Variants in USP15 observed in about 807,000 individuals in gnomAD.
USP15 encodes ubiquitin carboxyl-terminal hydrolase 15.
USP15 carries 18 observed loss-of-function variants against 127.1 expected under a neutral mutation model. The observed-to-expected ratio is 0.14, with a 90% confidence interval of 0.10 to 0.21. The LOEUF is 0.21. USP15 is among the 10% of genes least tolerant of loss of function. The probability of loss-of-function intolerance (pLI) is 1.00; values close to 1 mark genes in which losing one functional copy is unlikely to be tolerated. For synonymous variants in USP15, 364 were observed against 393.7 expected, an observed-to-expected ratio of 0.92 and a Z score of 0.89; for missense variants, 805 against 1,159.9, an observed-to-expected ratio of 0.69 and a Z score of 4.44.
Position 62,406,238 on chromosome 12 carries a change from A to C in USP15, c.*1863A>C, listed in dbSNP as rs1173368018. ...TTAATACTAGAAAGGAAATTATGTC[A>C]GAGCAAAATGAATCCTACTATTAAG... On this transcript the variant is annotated 3_prime_UTR_variant, in exon 22 of 22. Transcript: ENST00000280377. 1 of 152,152 alleles carries C rather than the reference A, an allele frequency of 6.6e-6. No individual in the cohort carries two copies. The highest frequency in any genetic ancestry group is 2.4e-5 in the African/African-American group (1 of 41,440). The allele number at this position is 152,152 out of a possible 1,614,324, so 9.4% of individuals were successfully genotyped here.
At chr12:62,291,314 ATTG>A (rs1411865489) in intron 1 of USP15, among the ~76,000 whole-genome samples, 3 of 151,834 alleles carry the variant, frequency 2.0e-5, no homozygotes, top group East Asian at 3.9e-4. Context: ...ATGTTCTGAG[ATTG>A]TTTATTCTCC....
chr12:62,400,409 A>G (rs900964384), intron 20 of USP15, among the ~76,000 whole-genome samples: 1 of 151,668 alleles, frequency 6.6e-6, no homozygotes, highest in Non-Finnish European at 1.5e-5. Context: ...ACCTAATACA[A>G]TGCCTGCACG....
At chr12:62,335,378 A>G in intron 6 of USP15, 1 of 1,421,690 alleles carries the variant, frequency 7.0e-7, no homozygotes, top group Non-Finnish European at 9.1e-7. Context: ...ATCACTCAAC[A>G]GTAATGTCTG....
chr12:62,303,061 A>G (rs2137197263), intron 3 of USP15, 141 bp downstream of exon 3: 1 of 888,930 alleles, frequency 1.1e-6, no homozygotes, highest in East Asian at 2.8e-5. Flanking sequence ...TGTTACAATA[A>G]TGGCAAGTAA....
chr12:62,408,135 T>TGGAGTCTCCTTCAGTGGTACACCAAAG lies in USP15; in HGVS notation c.*3766_*3792dup. On this transcript the variant is annotated 3_prime_UTR_variant, in exon 22 of 22. Coordinates refer to ENST00000280377, the MANE Select transcript of USP15 (RefSeq NM_001252078.2). ...TATAAAATAAGCCGGGAGACTGAAA[T>TGGAGTCTCCTTCAGTGGTACACCAAAG]GGAGTCTCCTTCAGTGGTACACCAA... is the stretch of plus-strand genomic sequence containing the variant. 6.6e-6 allele frequency: 1 copy of TGGAGTCTCCTTCAGTGGTACACCAAAG among 152,118 alleles called. No homozygotes were observed. Among genetic ancestry groups the TGGAGTCTCCTTCAGTGGTACACCAAAG allele is most frequent in the Non-Finnish European group, 1.5e-5 (1 of 68,026 alleles). 9.4% of individuals were successfully genotyped at this position (152,118 alleles called of 1,614,324 possible).
intron 1 of USP15, among the ~76,000 whole-genome samples, chr12:62,276,750 C>G (rs1414951503): frequency 6.6e-6 from 1 of 151,856 alleles, no homozygotes; most frequent in Non-Finnish European, 1.5e-5. Flanking sequence ...TTCTTCAAGA[C>G]TTACGTAAAT....
At chr12:62,360,011 G>C (rs1263938710) in intron 8 of USP15, among the ~76,000 whole-genome samples, 1 of 152,030 alleles carries the variant, frequency 6.6e-6, no homozygotes, top group Non-Finnish European at 1.5e-5. Context: ...ATTTTAATTA[G>C]CATTAGTTCA....
chr12:62,292,544 C>G (rs899104223), intron 1 of USP15, among the ~76,000 whole-genome samples: 9 of 152,198 alleles, frequency 5.9e-5, no homozygotes, highest in Admixed American at 5.9e-4. Context: ...ATGGGAGCAG[C>G]AATTACTGTG....
chr12:62,373,595 A>G (rs1162375306), intron 8 of USP15, among the ~76,000 whole-genome samples: 1 of 152,016 alleles, frequency 6.6e-6, no homozygotes, highest in Non-Finnish European at 1.5e-5. Flanking sequence ...TAATATTTTA[A>G]GTAGAGTATG....
intron 1 of USP15, among the ~76,000 whole-genome samples, chr12:62,282,127 A>C (rs2063666864): frequency 6.6e-6 from 1 of 152,154 alleles, no homozygotes; most frequent in African/African-American, 2.4e-5. Context: ...CAGGAGCTTG[A>C]AACCATCCTG....
intron 1 of USP15, among the ~76,000 whole-genome samples, chr12:62,280,679 G>C (rs1565813499): frequency 6.6e-6 from 1 of 152,070 alleles, no homozygotes; most frequent in Admixed American, 6.5e-5. Flanking sequence ...TGGGGGAGGA[G>C]ACACACGCAT....
rs1405388416 is a variant in USP15 at position 62,388,680 on chromosome 12, C to T, written c.1474-751C>T. Among the ~76,000 whole-genome samples the T allele has an allele frequency of 3.3e-5, 5 of 151,978 alleles. No homozygotes were observed. The East Asian group carries it at 7.7e-4, about 23-fold the overall frequency. On this transcript the variant is annotated intron_variant, in intron 11 of 21. Coordinates refer to ENST00000280377, the MANE Select transcript of USP15 (RefSeq NM_001252078.2). Reference sequence around the variant, plus strand: ...AAGGTTCGTGATAAAGCATGTAGGGCCTGGATGGAAGGGCTAGAAGACAGT... The same window carrying T: ...AAGGTTCGTGATAAAGCATGTAGGGTCTGGATGGAAGGGCTAGAAGACAGT...
chr12:62,302,159 G>T (rs565776205), intron 2 of USP15, among the ~76,000 whole-genome samples: 2 of 152,226 alleles, frequency 1.3e-5, no homozygotes, highest in East Asian at 3.9e-4. Context: ...TTCACAAGAT[G>T]CCCATTTGTG....
intron 8 of USP15, among the ~76,000 whole-genome samples, chr12:62,377,461 T>G (rs1237648461): frequency 6.6e-6 from 1 of 152,270 alleles, no homozygotes; most frequent in Non-Finnish European, 1.5e-5. Context: ...GGCTCACGCC[T>G]GTAATCCTAG....
chr12:62,297,732 G>A (rs2064176744), intron 2 of USP15, among the ~76,000 whole-genome samples: 3 of 152,122 alleles, frequency 2.0e-5, no homozygotes, highest in Admixed American at 2.0e-4. Flanking sequence ...GGAGAGAGGT[G>A]GCTGTTTCTT....
At chr12:62,360,919 C>G (rs2066294153) in intron 8 of USP15, among the ~76,000 whole-genome samples, 1 of 150,958 alleles carries the variant, frequency 6.6e-6, no homozygotes. Context: ...AATCCTCTGT[C>G]AAATGACAAC....
chr12:62,289,498 T>C (rs2063891035), intron 1 of USP15, among the ~76,000 whole-genome samples: 2 of 152,128 alleles, frequency 1.3e-5, no homozygotes, highest in Non-Finnish European at 2.9e-5. Flanking sequence ...TTCTCTCTTC[T>C]TGGTTAGTCT....
intron 1 of USP15, among the ~76,000 whole-genome samples, chr12:62,260,948 C>T (rs1045129788): frequency 2.0e-5 from 3 of 152,128 alleles, no homozygotes; most frequent in Admixed American, 6.5e-5. Flanking sequence ...GTCCAAGTTC[C>T]CTTTTATTCT....
chr12:62,331,544 C>T lies in USP15; in HGVS notation c.683+5611C>T, dbSNP rs528531978. On this transcript the variant is annotated intron_variant, in intron 6 of 21. Coordinates refer to ENST00000280377, the MANE Select transcript of USP15 (RefSeq NM_001252078.2). The stretch of plus-strand genomic sequence containing the variant: ...TGAACAAGAAAATAGAAGAATATTA[C>T]CACAAGTAGGCACACGTGAAACCAC... Among the ~76,000 whole-genome samples, 4 of 152,194 alleles carry T rather than the reference C, an allele frequency of 2.6e-5. No homozygotes were observed. The East Asian group carries it at 5.8e-4, about 22-fold the overall frequency.
Sources: allele counts gnomAD v4.1 joint callset (sites outside exome capture counted in the v4.1 genomes callset), GRCh38; gene constraint gnomAD v4.1.1; transcripts MANE v1.5; gene names NCBI Gene and HGNC (gene_info 2026-07-23, HGNC 2026-07-21).